Variants in KIRREL3 observed in about 807,000 individuals in gnomAD.
KIRREL3 encodes the protein kin of IRRE-like protein 3.
A neutral mutation model predicts 89.7 loss-of-function variants in KIRREL3; 36 were observed. That is an observed-to-expected ratio of 0.40 (90% CI 0.31 to 0.53). KIRREL3 has a LOEUF of 0.53. KIRREL3 is among the 20% of genes least tolerant of loss of function. The pLI, the probability that KIRREL3 is intolerant of heterozygous loss-of-function variation, is 0.49. For missense variants in KIRREL3, 864 were observed against 1,056.6 expected, an observed-to-expected ratio of 0.82 and a Z score of 2.53; for synonymous variants, 445 against 441.4, an observed-to-expected ratio of 1.01 and a Z score of -0.10.
At chr11:126,678,537 T>G (rs1303501522) in intron 1 of KIRREL3, among the ~76,000 whole-genome samples, 1 of 129,276 alleles carries the variant, frequency 7.7e-6, no homozygotes, top group Admixed American at 9.7e-5. Context: ...GAGACGGAGC[T>G]TACAGTGAGC....
At position 126,571,823 on chromosome 11, in the gene KIRREL3, T is replaced by C. The variant is rs558291746; in HGVS notation, c.56-8911A>G. ...TTTTACGGGAAACAGTTTTATCCCA[T>C]GTGCAAGGATGCCTCAGCCCGTCTC... On this transcript the variant is annotated intron_variant, in intron 1 of 16. Transcript: ENST00000525144. This position sits in a 1 kb window ranked among gnomAD's most constrained non-coding sequence, Gnocchi z 7.7. 2.0e-5 allele frequency among the ~76,000 whole-genome samples: 3 copies of C among 152,208 alleles called. No individual in the cohort carries two copies. The highest frequency in any genetic ancestry group is 6.5e-5 in the Admixed American group (1 of 15,284).
At position 126,739,909 on chromosome 11, in the gene KIRREL3, G is replaced by A. The variant is rs180759577; in HGVS notation, c.56-176997C>T. Reference sequence around the variant, plus strand: ...GACACTGCACTTTGATCAGTTTGACGGGTTTAGTATTATAGAAATATTTCA... The same window carrying A: ...GACACTGCACTTTGATCAGTTTGACAGGTTTAGTATTATAGAAATATTTCA... On this transcript the variant is annotated intron_variant, in intron 1 of 16. Coordinates refer to ENST00000525144, the MANE Select transcript of KIRREL3 (RefSeq NM_032531.4). The surrounding 1 kb of genome is among the most constrained non-coding windows in gnomAD (Gnocchi z 5.5). 1.3e-5 allele frequency among the ~76,000 whole-genome samples: 2 copies of A among 152,240 alleles called. No individual in the cohort carries two copies. The highest frequency in any genetic ancestry group is 6.5e-5 in the Admixed American group (1 of 15,296).
rs952115422 is a variant in KIRREL3 at position 126,918,038 on chromosome 11, G to A, written c.55+82417C>T. Reference sequence around the variant, plus strand: ...TCTCTGGCATGTTTACTGCTGCCTGGGAAACTGGTTTTGTGCATTCTCAGA... The same window carrying A: ...TCTCTGGCATGTTTACTGCTGCCTGAGAAACTGGTTTTGTGCATTCTCAGA... On this transcript the variant is annotated intron_variant, in intron 1 of 16. Coordinates refer to ENST00000525144, the MANE Select transcript of KIRREL3 (RefSeq NM_032531.4). The surrounding 1 kb of genome is among the most constrained non-coding windows in gnomAD (Gnocchi z 6.5). Among the ~76,000 whole-genome samples, 1 of 152,136 alleles carries A rather than the reference G, an allele frequency of 6.6e-6. No homozygotes were observed. The highest frequency in any genetic ancestry group is 6.5e-5 in the Admixed American group (1 of 15,278).
Position 126,997,736 on chromosome 11 carries a change from C to T in KIRREL3, c.55+2719G>A, listed in dbSNP as rs916739907. Among the ~76,000 whole-genome samples, 3 of 152,154 alleles carry T rather than the reference C, an allele frequency of 2.0e-5. No individual in the cohort carries two copies. Among genetic ancestry groups the T allele is most frequent in the Non-Finnish European group, 2.9e-5 (2 of 68,034 alleles). On this transcript the variant is annotated intron_variant, in intron 1 of 16. Coordinates refer to ENST00000525144, the MANE Select transcript of KIRREL3 (RefSeq NM_032531.4). The surrounding 1 kb of genome is among the most constrained non-coding windows in gnomAD (Gnocchi z 4.3). ...CACTGCTTGGAGCACTCTCTCTGCACGGGGACCAAGATACTGGGAGCATGG... is the reference window on the plus strand; with the variant it reads ...CACTGCTTGGAGCACTCTCTCTGCATGGGGACCAAGATACTGGGAGCATGG...
intron 1 of KIRREL3, among the ~76,000 whole-genome samples, chr11:126,874,886 C>T (rs1945222996): frequency 6.6e-6 from 1 of 152,106 alleles, no homozygotes; most frequent in South Asian, 2.1e-4. Flanking sequence ...GACATACAGG[C>T]CTAGAGAGGT....
In KIRREL3 at chr11:126,872,495, C is replaced by A. The variant is rs116565689; in HGVS notation, c.55+127960G>T. On this transcript the variant is annotated intron_variant, in intron 1 of 16. Transcript: ENST00000525144. The surrounding 1 kb of genome is among the most constrained non-coding windows in gnomAD (Gnocchi z 4.2). ...GCAAACTGATTTCTTTCACCATCAT[C>A]TCCCCATTGGATTATTTCCTGGGTG... Among the ~76,000 whole-genome samples the A allele has an allele frequency of 4.4e-3, 670 of 152,332 alleles. 3 individuals are homozygous for A. Among genetic ancestry groups the A allele is most frequent in the African/African-American group, 0.015 (628 of 41,566 alleles).
intron 1 of KIRREL3, among the ~76,000 whole-genome samples, chr11:126,751,310 G>T (rs780634956): frequency 6.6e-6 from 1 of 152,240 alleles, no homozygotes; most frequent in Non-Finnish European, 1.5e-5. Flanking sequence ...CAGCCAGAAA[G>T]TTCTTATGCC....
rs1051939153 is a variant in KIRREL3 at position 126,999,669 on chromosome 11, G to A, written c.55+786C>T. ...ACTAGGCACTCACATTCCCTCTCCC[G>A]AATTTCCCTCTCCTTTCTGCACCAC... On this transcript the variant is annotated intron_variant, in intron 1 of 16. Coordinates refer to ENST00000525144, the MANE Select transcript of KIRREL3 (RefSeq NM_032531.4). The surrounding 1 kb of genome is among the most constrained non-coding windows in gnomAD (Gnocchi z 5.7). Among the ~76,000 whole-genome samples, 2 of 152,116 alleles carry A rather than the reference G, an allele frequency of 1.3e-5. No individual in the cohort carries two copies. Among genetic ancestry groups the A allele is most frequent in the Non-Finnish European group, 2.9e-5 (2 of 68,016 alleles).
At chr11:126,631,171 G>A (rs1170941757) in intron 1 of KIRREL3, among the ~76,000 whole-genome samples, 1 of 151,060 alleles carries the variant, frequency 6.6e-6, no homozygotes, top group Non-Finnish European at 1.5e-5. Context: ...ATTCTGCTAT[G>A]TATTCAGCAA....
intron 1 of KIRREL3, among the ~76,000 whole-genome samples, chr11:126,804,318 T>G (rs2134403200): frequency 6.6e-6 from 1 of 152,328 alleles, no homozygotes; most frequent in East Asian, 1.9e-4. Flanking sequence ...GACCTTTTCC[T>G]GGCAGAGGCG....
At position 126,755,806 on chromosome 11, in the gene KIRREL3, G is replaced by A. The variant is rs548561728; in HGVS notation, c.56-192894C>T. Reference sequence around the variant, plus strand: ...TCACCACTACCCTGAATGCGTGCTCGCCATCTGCCATTCAGGCAGAGAGAG... The same window carrying A: ...TCACCACTACCCTGAATGCGTGCTCACCATCTGCCATTCAGGCAGAGAGAG... On this transcript the variant is annotated intron_variant, in intron 1 of 16. Transcript: ENST00000525144. This position sits in a 1 kb window ranked among gnomAD's most constrained non-coding sequence, Gnocchi z 4.3. Among the ~76,000 whole-genome samples, 29 of 150,932 alleles carry A rather than the reference G, an allele frequency of 1.9e-4. No homozygotes were observed. The highest frequency in any genetic ancestry group is 2.4e-4 in the Non-Finnish European group (16 of 67,940).
Position 126,769,524 on chromosome 11 carries a change from A to G in KIRREL3, c.56-206612T>C, listed in dbSNP as rs1307851526. ...CAGTTAATGAGAACGATAGGTATTG[A>G]TTTGCATATGATATTCATGCATTTT... On this transcript the variant is annotated intron_variant, in intron 1 of 16. Coordinates refer to ENST00000525144, the MANE Select transcript of KIRREL3 (RefSeq NM_032531.4). The surrounding 1 kb of genome is among the most constrained non-coding windows in gnomAD (Gnocchi z 4.3). Among the ~76,000 whole-genome samples, 1 of 152,206 alleles carries G rather than the reference A, an allele frequency of 6.6e-6. No individual in the cohort carries two copies. The highest frequency in any genetic ancestry group is 1.5e-5 in the Non-Finnish European group (1 of 68,038).
chr11:126,855,031 G>A (rs1944464520), intron 1 of KIRREL3, among the ~76,000 whole-genome samples: 1 of 152,162 alleles, frequency 6.6e-6, no homozygotes, highest in Non-Finnish European at 1.5e-5. Context: ...GAAGGCCCAG[G>A]GCAGGGCAGA....
In KIRREL3 at chr11:126,955,055, C is replaced by T. The variant is rs1224847740; in HGVS notation, c.55+45400G>A. On this transcript the variant is annotated intron_variant, in intron 1 of 16. Coordinates refer to ENST00000525144, the MANE Select transcript of KIRREL3 (RefSeq NM_032531.4). This position sits in a 1 kb window ranked among gnomAD's most constrained non-coding sequence, Gnocchi z 4.6. Reference sequence around the variant, plus strand: ...AGAACTGACCCTCTCTCTACACTGGCCTTGCTCTGATGATGTTTGTGCCCT... The same window carrying T: ...AGAACTGACCCTCTCTCTACACTGGTCTTGCTCTGATGATGTTTGTGCCCT... 2.0e-5 allele frequency among the ~76,000 whole-genome samples: 3 copies of T among 152,138 alleles called. No homozygotes were observed. The highest frequency in any genetic ancestry group is 4.4e-5 in the Non-Finnish European group (3 of 68,036).
rs1943012725 is a variant in KIRREL3 at position 126,609,106 on chromosome 11, G to C, written c.56-46194C>G. Among the ~76,000 whole-genome samples, 1 of 152,184 alleles carries C rather than the reference G, an allele frequency of 6.6e-6. No individual in the cohort carries two copies. Among genetic ancestry groups the C allele is most frequent in the African/African-American group, 2.4e-5 (1 of 41,438 alleles). On this transcript the variant is annotated intron_variant, in intron 1 of 16. Coordinates refer to ENST00000525144, the MANE Select transcript of KIRREL3 (RefSeq NM_032531.4). The surrounding 1 kb of genome is among the most constrained non-coding windows in gnomAD (Gnocchi z 5.0). ...ACTCAACTCTGCATGGAATTGTGCTGAATTGAGGAGCACTGCAGCGAGACC... is the reference window on the plus strand; with the variant it reads ...ACTCAACTCTGCATGGAATTGTGCTCAATTGAGGAGCACTGCAGCGAGACC...
intron 1 of KIRREL3, among the ~76,000 whole-genome samples, chr11:126,866,618 G>A (rs775107271): frequency 6.6e-6 from 1 of 151,682 alleles, no homozygotes. Flanking sequence ...TGCATTTTCC[G>A]AGACCACTCT....
At chr11:126,823,868 GCACC>G in intron 1 of KIRREL3, among the ~76,000 whole-genome samples, 1 of 152,332 alleles carries the variant, frequency 6.6e-6, no homozygotes, top group African/African-American at 2.4e-5. Flanking sequence ...AGCAGACGAG[GCACC>G]CTGGTGCTAA....
At chr11:126,598,072 G>A (rs1240318274) in intron 1 of KIRREL3, among the ~76,000 whole-genome samples, 1 of 152,208 alleles carries the variant, frequency 6.6e-6, no homozygotes, top group Non-Finnish European at 1.5e-5. Context: ...AATAGCTAAT[G>A]AGCAGGCGCA....
At chr11:126,435,042 GGGT>G (rs1446921513) in intron 13 of KIRREL3, among the ~76,000 whole-genome samples, 4 of 152,120 alleles carry the variant, frequency 2.6e-5, no homozygotes, top group African/African-American at 9.7e-5. Context: ...AAGGAGTTGT[GGGT>G]TCCGGCGGCA....
Sources: allele counts gnomAD v4.1 joint callset (sites outside exome capture counted in the v4.1 genomes callset), GRCh38; gene constraint gnomAD v4.1.1; non-coding constraint Gnocchi (gnomAD v3.1); transcripts MANE v1.5; gene names NCBI Gene and HGNC (gene_info 2026-07-23, HGNC 2026-07-21).